ACOXL: variants seen among roughly 807,000 people sequenced by gnomAD.
ACOXL encodes the protein acyl-coenzyme A oxidase-like protein.
Under a neutral mutation model 71.9 loss-of-function variants are expected in ACOXL, and 70 were observed. That is an observed-to-expected ratio of 0.97 (90% CI 0.80 to 1.19). The LOEUF is 1.19. Among genes scored for constraint, ACOXL ranks in the 50% most tolerant of loss-of-function variants. ACOXL has a pLI of 0.00. For missense variants in ACOXL, 703 were observed against 736.3 expected (o/e 0.95, Z 0.52); for synonymous variants, 253 against 281.6 (o/e 0.90, Z 1.02).
intron 12 of ACOXL, chr2:110,968,775 C>G: frequency 6.4e-6 from 1 of 157,400 alleles, no homozygotes; most frequent in East Asian, 8.5e-5. Context: ...AACTTATGGA[C>G]AGCAAAAAAA....
chr2:110,852,452 G>A (rs1692733045), intron 10 of ACOXL, among the ~76,000 whole-genome samples: 1 of 152,162 alleles, frequency 6.6e-6, no homozygotes, highest in Admixed American at 6.5e-5. Flanking sequence ...TTGAATGAAC[G>A]GCTTAAATTG....
At chr2:110,739,508 G>A (rs140683620) in intron 1 of ACOXL, among the ~76,000 whole-genome samples, 15 of 152,320 alleles carry the variant, frequency 9.8e-5, no homozygotes, top group African/African-American at 3.6e-4. Flanking sequence ...ATGGTCTAGG[G>A]TGTCCACAGC....
intron 16 of ACOXL, among the ~76,000 whole-genome samples, chr2:111,076,885 C>T (rs1369130409): frequency 6.6e-6 from 1 of 152,152 alleles, no homozygotes; most frequent in Non-Finnish European, 1.5e-5. Context: ...CATTCCTTGA[C>T]TGTGGCCAAC....
intron 10 of ACOXL, among the ~76,000 whole-genome samples, chr2:110,900,086 T>TACACACACACAC (rs60758688): frequency 6.7e-4 from 96 of 143,320 alleles, no homozygotes; most frequent in Middle Eastern, 3.4e-3. Context: ...CACACACACA[T>TACACACACACAC]ACACACACAC....
intron 1 of ACOXL, among the ~76,000 whole-genome samples, chr2:110,752,562 G>A (rs1421429620): frequency 2.0e-5 from 3 of 151,130 alleles, no homozygotes; most frequent in Non-Finnish European, 4.4e-5. Context: ...CTTGTATGCT[G>A]GTCCTGGAAT....
At chr2:110,752,367 C>T (rs1275819499) in intron 1 of ACOXL, among the ~76,000 whole-genome samples, 1 of 151,912 alleles carries the variant, frequency 6.6e-6, no homozygotes, top group African/African-American at 2.4e-5. Context: ...ACTTATAGTC[C>T]CAACTACTTG....
chr2:111,019,770 C>T (rs2064656234), intron 14 of ACOXL, among the ~76,000 whole-genome samples: 1 of 152,238 alleles, frequency 6.6e-6, no homozygotes, highest in Non-Finnish European at 1.5e-5. Context: ...CTGGCAGGCC[C>T]CGCAACTGCC....
chr2:110,847,127 A>G (rs578172681), intron 10 of ACOXL, among the ~76,000 whole-genome samples: 2 of 151,898 alleles, frequency 1.3e-5, no homozygotes, highest in African/African-American at 2.4e-5. Context: ...TGCAGATAAC[A>G]GCTCTCGGGG....
chr2:110,915,336 T>TA (rs1558721442), intron 11 of ACOXL, among the ~76,000 whole-genome samples: 1 of 130,818 alleles, frequency 7.6e-6, no homozygotes, highest in Admixed American at 8.2e-5. Flanking sequence ...TATATGCATT[T>TA]TATATATATA....
intron 14 of ACOXL, among the ~76,000 whole-genome samples, chr2:111,022,144 G>T (rs2064792722): frequency 6.6e-6 from 1 of 152,128 alleles, no homozygotes; most frequent in African/African-American, 2.4e-5. Flanking sequence ...CCTGAGGTCA[G>T]GAGTTCAAGA....
Position 110,765,205 on chromosome 2 carries a change from G to C in ACOXL, c.-22-3163G>C, listed in dbSNP as rs575106961. On this transcript the variant is annotated intron_variant, in intron 1 of 17. Coordinates refer to ENST00000439055, the MANE Select transcript of ACOXL (RefSeq NM_001142807.4). ...ATCATTTCTCTCTAGCTGCCTTCAA[G>C]ATTTTTTCCTCGGCCTTAATTTTAA... Among the ~76,000 whole-genome samples, 97 of 152,238 alleles carry C rather than the reference G, an allele frequency of 6.4e-4. 1 individual carries two copies. In the South Asian group the frequency reaches 0.02, roughly 31 times the overall value.
chr2:110,787,426 C>T lies in ACOXL; in HGVS notation c.159+2611C>T, dbSNP rs566825279. Among the ~76,000 whole-genome samples the T allele has an allele frequency of 4.7e-4, 70 of 147,456 alleles. 1 individual carries two copies. Among genetic ancestry groups the T allele is most frequent in the African/African-American group, 1.4e-3 (57 of 39,814 alleles). On this transcript the variant is annotated intron_variant, in intron 3 of 17. Transcript: ENST00000439055. ...GCAGACGCCTGTAGTCCCAGCTACT[C>T]GGGAGGCTGAGGCAGGAGAATGGCG...
chr2:110,736,207 T>C (rs1285579235), intron 1 of ACOXL, among the ~76,000 whole-genome samples: 1 of 152,264 alleles, frequency 6.6e-6, no homozygotes, highest in Non-Finnish European at 1.5e-5. Flanking sequence ...TACAGCCATT[T>C]TTTTTTATTG....
intron 10 of ACOXL, among the ~76,000 whole-genome samples, chr2:110,846,035 C>T (rs1691796675): frequency 1.3e-5 from 2 of 152,148 alleles, no homozygotes; most frequent in African/African-American, 4.8e-5. Flanking sequence ...TACCATTTTC[C>T]TTGTCATGTT....
chr2:110,862,119 G>T (rs796552586), intron 10 of ACOXL, among the ~76,000 whole-genome samples: 1 of 152,112 alleles, frequency 6.6e-6, no homozygotes, highest in Non-Finnish European at 1.5e-5. Context: ...GAACCCTCAC[G>T]CTTTGGCATA....
At chr2:111,093,521 AGT>A in intron 17 of ACOXL, 1 of 1,614,032 alleles carries the variant, frequency 6.2e-7, no homozygotes, top group Non-Finnish European at 8.5e-7. Flanking sequence ...TATAAGACTC[AGT>A]CTCCACATGA....
chr2:110,845,229 A>G (rs955882310), intron 10 of ACOXL, among the ~76,000 whole-genome samples: 1 of 152,182 alleles, frequency 6.6e-6, no homozygotes, highest in Non-Finnish European at 1.5e-5. Flanking sequence ...TGCTGCAGCC[A>G]TGGGCAGGGA....
At chr2:110,813,075 G>A (rs958091659) in intron 9 of ACOXL, among the ~76,000 whole-genome samples, 3 of 152,196 alleles carry the variant, frequency 2.0e-5, no homozygotes, top group African/African-American at 7.2e-5. Context: ...AGACCTAGGA[G>A]CTGACATCCA....
chr2:110,787,533 C>CAAA (rs1175271772), intron 3 of ACOXL, among the ~76,000 whole-genome samples: 12 of 53,598 alleles, frequency 2.2e-4, no homozygotes, highest in African/African-American at 8.4e-4. Context: ...GACTCCGTCT[C>CAAA]AAAAAAAAAA....
Sources: gnomAD v4.1 joint callset for allele counts (sites outside exome capture counted in the v4.1 genomes callset) on GRCh38, gnomAD v4.1.1 for gene constraint, MANE v1.5 for transcripts, NCBI Gene and HGNC (gene_info 2026-07-23, HGNC 2026-07-21) for gene names.